Variants in NEDD9 observed in about 807,000 individuals in gnomAD.
NEDD9 encodes the protein neural precursor cell expressed, developmentally down-regulated 9.
A neutral mutation model predicts 76.6 loss-of-function variants in NEDD9; 26 were observed. The observed-to-expected ratio is 0.34, with a 90% CI of 0.25 to 0.47. NEDD9 has a LOEUF of 0.47. Ranked by LOEUF, NEDD9 falls within the 20% of genes least tolerant of loss-of-function variation. The pLI, the probability that NEDD9 is intolerant of heterozygous loss-of-function variation, is 1.00. For missense variants in NEDD9, 937 were observed against 1,058.5 expected, an observed-to-expected ratio of 0.89 and a Z score of 1.59; for synonymous variants, 392 against 414.2, an observed-to-expected ratio of 0.95 and a Z score of 0.65.
At chr6:11,193,827 A>C (rs1226401650) in intron 2 of NEDD9, 135 bp from the exon 3 acceptor site, 2 of 563,494 alleles carry the variant, frequency 3.5e-6, no homozygotes, top group Non-Finnish European at 6.3e-6. Flanking sequence ...AAGACATAAC[A>C]GGAAGGAGAC....
At chr6:11,371,459 C>T (rs1049839136) in intron 1 of NEDD9, among the ~76,000 whole-genome samples, 3 of 152,186 alleles carry the variant, frequency 2.0e-5, no homozygotes, top group Admixed American at 1.3e-4. Context: ...CCTGGGAACC[C>T]CTGATCTTTT....
intron 3 of NEDD9, among the ~76,000 whole-genome samples, chr6:11,274,739 A>C (rs1760383729): frequency 6.6e-6 from 1 of 152,234 alleles, no homozygotes. Flanking sequence ...GAAGATGTGA[A>C]TAAAAGAACC....
chr6:11,250,545 G>C (rs1581983185), intron 3 of NEDD9, among the ~76,000 whole-genome samples: 1 of 152,124 alleles, frequency 6.6e-6, no homozygotes, highest in African/African-American at 2.4e-5. Flanking sequence ...CCCGTCCTAC[G>C]ACCAGAGAGT....
chr6:11,339,639 T>C (rs556889069), intron 1 of NEDD9, among the ~76,000 whole-genome samples: 7 of 152,370 alleles, frequency 4.6e-5, no homozygotes, highest in East Asian at 1.9e-4. Flanking sequence ...ACACATGTTA[T>C]GCCAGATGAA....
chr6:11,335,950 T>C (rs1349120879), intron 1 of NEDD9, among the ~76,000 whole-genome samples: 1 of 147,014 alleles, frequency 6.8e-6, no homozygotes, highest in Non-Finnish European at 1.5e-5. Flanking sequence ...GATAAGCTCC[T>C]TCAGAAGCTC....
chr6:11,213,179 T>C lies in NEDD9; in HGVS notation c.459+102A>G, dbSNP rs1200256659. The C allele has an allele frequency of 9.3e-5, 102 of 1,093,060 alleles. No individual in the cohort carries two copies. The highest frequency in any genetic ancestry group is 2.3e-4 in the Middle Eastern group (1 of 4,332). 67.7% of individuals were successfully genotyped at this position (1,093,060 alleles called of 1,614,324 possible). A position where few individuals can be genotyped will look rare whatever the true frequency, so the allele number is the denominator to read the frequency against. On this transcript the variant is annotated intron_variant, in intron 2 of 6. Coordinates refer to ENST00000379446, the MANE Select transcript of NEDD9 (RefSeq NM_006403.4). The surrounding 1 kb of genome is among the most constrained non-coding windows in gnomAD (Gnocchi z 5.4). ...TAAGGTATTGGTTATATCTACTTCT[T>C]GGCAGCTTCAAGTTATTAATTTGGG...
chr6:11,302,438 C>A (rs1002615310), intron 3 of NEDD9, among the ~76,000 whole-genome samples: 1 of 152,156 alleles, frequency 6.6e-6, no homozygotes, highest in Non-Finnish European at 1.5e-5. Flanking sequence ...ACCAGAGGTA[C>A]AAAGAGGAGC....
At chr6:11,342,263 G>A (rs1047721129) in intron 1 of NEDD9, among the ~76,000 whole-genome samples, 3 of 151,126 alleles carry the variant, frequency 2.0e-5, no homozygotes, top group Admixed American at 2.0e-4. Flanking sequence ...GAGAGAGAGA[G>A]CAGAAAAAAT....
chr6:11,358,246 CAAAAAAAAA>C (rs35011508), intron 1 of NEDD9, among the ~76,000 whole-genome samples: 5 of 61,262 alleles, frequency 8.2e-5, no homozygotes, highest in Non-Finnish European at 1.1e-4. Context: ...AAGACTCCGT[CAAAAAAAAA>C]AAAAAAAAAA....
At chr6:11,232,718 G>A (rs1217041157), upstream of NEDD9, 7 of 1,430,266 alleles carry the variant, frequency 4.9e-6, no homozygotes, top group Non-Finnish European at 6.4e-6. Flanking sequence ...TCATTTGCAT[G>A]CCGCCCCGCC....
intron 3 of NEDD9, among the ~76,000 whole-genome samples, chr6:11,304,805 A>T (rs1761137957): frequency 6.6e-6 from 1 of 152,184 alleles, no homozygotes; most frequent in Non-Finnish European, 1.5e-5. Context: ...GGGGCCTGTC[A>T]GTGGGTGGGG....
intron 4 of NEDD9, 64 bp downstream of exon 4, chr6:11,192,276 ACCCTG>A: frequency 3.1e-6 from 1 of 323,860 alleles, no homozygotes; most frequent in Non-Finnish European, 5.4e-6. Context: ...CACCCTCCCA[ACCCTG>A]CACCCCCCGA....
intron 1 of NEDD9, among the ~76,000 whole-genome samples, chr6:11,353,192 G>A (rs1762502705): frequency 1.3e-5 from 2 of 152,228 alleles, no homozygotes; most frequent in South Asian, 4.1e-4. Flanking sequence ...CTGGCTGCTA[G>A]GGGTTGAATT....
At chr6:11,320,822 A>T (rs1228230449) in intron 2 of NEDD9, among the ~76,000 whole-genome samples, 1 of 152,136 alleles carries the variant, frequency 6.6e-6, no homozygotes, top group Non-Finnish European at 1.5e-5. Context: ...TTGGGGGCTG[A>T]CAACATCTAT....
In NEDD9 at chr6:11,232,368, C is replaced by T. The variant is rs141905596; in HGVS notation, c.12+136G>A. ...GCTTGCTTGTCTGCTTGCATGTCAA[C>T]CTCAGTGACCGAGACTCATCTTAGA... On this transcript the variant is annotated intron_variant, in intron 1 of 6. Transcript: ENST00000379446. The T allele has an allele frequency of 1.7e-4, 182 of 1,080,700 alleles. No individual in the cohort carries two copies. In the African/African-American group the frequency reaches 2.3e-3, roughly 13 times the overall value. The allele number at this position is 1,080,700 out of a possible 1,614,324, so 66.9% of individuals were successfully genotyped here. A position where few individuals can be genotyped will look rare whatever the true frequency, so the allele number is the denominator to read the frequency against.
rs79890756 is a variant in NEDD9, at chr6:11,213,795, C to A, written c.13-68G>T. On this transcript the variant is annotated intron_variant, in intron 1 of 6. Transcript: ENST00000379446. The surrounding 1 kb of genome is among the most constrained non-coding windows in gnomAD (Gnocchi z 5.4). Reference sequence around the variant, plus strand: ...GTCGGTCCCTTTATCACCTAAGGCCCGTGCTCTTATGGAAAGGCACACTTC... The same window carrying A: ...GTCGGTCCCTTTATCACCTAAGGCCAGTGCTCTTATGGAAAGGCACACTTC... 1 of 1,428,040 alleles carries A rather than the reference C, an allele frequency of 7.0e-7. No individual in the cohort carries two copies. Among genetic ancestry groups the A allele is most frequent in the East Asian group, 2.3e-5 (1 of 43,704 alleles). The allele number at this position is 1,428,040 out of a possible 1,614,324, so 88.5% of individuals were successfully genotyped here.
chr6:11,256,013 A>G (rs149332319), intron 3 of NEDD9, among the ~76,000 whole-genome samples: 2 of 152,276 alleles, frequency 1.3e-5, no homozygotes, highest in Non-Finnish European at 2.9e-5. Context: ...CCCCATCAGC[A>G]TGCCCACAGA....
chr6:11,322,804 C>T (rs1761839150), intron 2 of NEDD9, among the ~76,000 whole-genome samples: 1 of 152,192 alleles, frequency 6.6e-6, no homozygotes, highest in Non-Finnish European at 1.5e-5. Flanking sequence ...AGGGGCGAGG[C>T]CTGGGGACCT....
At position 11,253,389 on chromosome 6, in the gene NEDD9, C is replaced by T. The variant is rs551375836; in HGVS notation, c.13-39662G>A. Among the ~76,000 whole-genome samples the T allele has an allele frequency of 4.6e-5, 7 of 152,218 alleles. No individual in the cohort carries two copies. In the South Asian group the frequency reaches 1.5e-3, roughly 32 times the overall value. On this transcript the variant is annotated intron_variant, in intron 3 of 3. Transcript: ENST00000397378. ...AATATTTCTGAAGGTAAAATTTGAT[C>T]GGGGATATGTCTCATTCTTCACTTT... is the stretch of plus-strand genomic sequence containing the variant.
Sources: gnomAD v4.1 joint callset for allele counts (sites outside exome capture counted in the v4.1 genomes callset) on GRCh38, gnomAD v4.1.1 for gene constraint, Gnocchi (gnomAD v3.1) non-coding constraint, MANE v1.5 for transcripts, NCBI Gene and HGNC (gene_info 2026-07-23, HGNC 2026-07-21) for gene names.